The following SLC36A1 variants were observed in gnomAD, a reference collection of about 807,000 sequenced individuals.
SLC36A1 encodes proton-coupled amino acid transporter 1.
A neutral mutation model predicts 47.5 loss-of-function variants in SLC36A1; 30 were observed. The ratio of observed to expected loss-of-function variants is 0.63; its 90% CI spans 0.47 to 0.86. The LOEUF is 0.86. Ranked by LOEUF, SLC36A1 falls within the 40% of genes least tolerant of loss-of-function variation. SLC36A1 has a pLI of 0.00. For synonymous variants in SLC36A1, 255 were observed against 249.7 expected (o/e 1.02, Z -0.20); for missense variants, 517 against 606.0 (o/e 0.85, Z 1.54).
the SLC36A1 span, among the ~76,000 whole-genome samples, chr5:151,362,975 C>T: frequency 7.9e-5 from 12 of 152,122 alleles, no homozygotes; most frequent in African/African-American, 1.9e-4. Flanking sequence ...TCATGGTTCC[C>T]GTGTACTGTT....
At chr5:151,441,272 A>G (rs1752611737) in intron 1 of SLC36A1, among the ~76,000 whole-genome samples, 1 of 152,238 alleles carries the variant, frequency 6.6e-6, no homozygotes, top group Non-Finnish European at 1.5e-5. Flanking sequence ...TATGGGCAAC[A>G]TAGCAAGACC....
the SLC36A1 span, chr5:151,507,322 G>T: frequency 4.3e-6 from 7 of 1,614,090 alleles, no homozygotes; most frequent in East Asian, 4.5e-5. Flanking sequence ...CTGGGTTCCG[G>T]TTGGTTGAGG....
chr5:151,443,246 T>A (rs1322669103), upstream of SLC36A1, among the ~76,000 whole-genome samples: 2 of 152,174 alleles, frequency 1.3e-5, no homozygotes, highest in East Asian at 1.9e-4. Flanking sequence ...ACTTTTACAC[T>A]GTTTTCTATA....
At chr5:151,393,304 A>G in the SLC36A1 span, among the ~76,000 whole-genome samples, 1 of 152,082 alleles carries the variant, frequency 6.6e-6, no homozygotes, top group Non-Finnish European at 1.5e-5. Context: ...GTGTCTGCAC[A>G]TGAGATGGGT....
At chr5:151,521,927 T>C in the SLC36A1 span, 266 of 1,613,972 alleles carry the variant, frequency 1.6e-4, no homozygotes, top group Non-Finnish European at 2.2e-4. Context: ...TCTCGGTCTG[T>C]GGCATGGATC....
At chr5:151,380,244 G>T in the SLC36A1 span, 2 of 227,434 alleles carry the variant, frequency 8.8e-6, no homozygotes, top group South Asian at 1.4e-4. Flanking sequence ...ACCCTAGGTG[G>T]GAGGCTGCGG....
At chr5:151,485,738 T>C (rs1172316191) in intron 10 of SLC36A1, among the ~76,000 whole-genome samples, 1 of 152,148 alleles carries the variant, frequency 6.6e-6, no homozygotes, top group Non-Finnish European at 1.5e-5. Context: ...TCACCTCCAC[T>C]AGTGAGTGCT....
intron 10 of SLC36A1, among the ~76,000 whole-genome samples, chr5:151,485,135 G>A (rs1156888056): frequency 6.6e-6 from 1 of 152,194 alleles, no homozygotes; most frequent in African/African-American, 2.4e-5. Context: ...TTTGGGGGAT[G>A]TCACCAACTC....
intron 1 of SLC36A1, among the ~76,000 whole-genome samples, chr5:151,454,083 AT>A (rs35097474): frequency 0.016 from 1,398 of 88,092 alleles, 9 homozygotes; most frequent in South Asian, 0.024. Context: ...GTACACTTAA[AT>A]TTTTTTTTTT....
the SLC36A1 span, chr5:151,550,916 G>A: frequency 6.3e-7 from 1 of 1,586,906 alleles, no homozygotes; most frequent in East Asian, 2.2e-5. Flanking sequence ...AGCCCCAGGG[G>A]AACAGGGACT....
the SLC36A1 span, chr5:151,510,174 C>A: frequency 6.2e-7 from 1 of 1,613,730 alleles, no homozygotes; most frequent in Non-Finnish European, 8.5e-7. Flanking sequence ...GCAGACATAG[C>A]CTAGGAGAAA....
chr5:151,529,556 C>T, the SLC36A1 span, among the ~76,000 whole-genome samples: 40 of 150,914 alleles, frequency 2.7e-4, no homozygotes, highest in Middle Eastern at 3.2e-3. Context: ...CCCCTTGACC[C>T]CCTTCCCCAT....
At chr5:151,432,406 C>G (rs186977932), upstream of SLC36A1, among the ~76,000 whole-genome samples, 1 of 152,202 alleles carries the variant, frequency 6.6e-6, no homozygotes, top group East Asian at 1.9e-4. Flanking sequence ...GGTGGCTCCC[C>G]GTGAGGTCAC....
chr5:151,531,501 G>A, the SLC36A1 span: 2 of 1,556,424 alleles, frequency 1.3e-6, no homozygotes, highest in Non-Finnish European at 1.7e-6. This position sits in a 1 kb window ranked among gnomAD's most constrained non-coding sequence, Gnocchi z 5.7. Flanking sequence ...GCGCTGCACA[G>A]GGTAGATACC....
At chr5:151,539,479 T>G in the SLC36A1 span, among the ~76,000 whole-genome samples, 1 of 152,260 alleles carries the variant, frequency 6.6e-6, no homozygotes, top group African/African-American at 2.4e-5. Flanking sequence ...TATAGGTATA[T>G]GCTTATATGT....
chr5:151,355,838 T>A, the SLC36A1 span, among the ~76,000 whole-genome samples: 1 of 151,942 alleles, frequency 6.6e-6, no homozygotes. Context: ...ACATAGAAAA[T>A]ACACATGCAT....
At chr5:151,550,351 G>A in the SLC36A1 span, among the ~76,000 whole-genome samples, 1 of 152,168 alleles carries the variant, frequency 6.6e-6, no homozygotes, top group African/African-American at 2.4e-5. Flanking sequence ...GGAAATATCT[G>A]GGGTGAGTCC....
At chr5:151,522,012 A>G in the SLC36A1 span, 3 of 1,614,082 alleles carry the variant, frequency 1.9e-6, no homozygotes, top group Non-Finnish European at 1.7e-6. Flanking sequence ...CAGAAGGTGC[A>G]TAGTGGCTCT....
intron 7 of SLC36A1, among the ~76,000 whole-genome samples, chr5:151,468,432 T>TTA (rs1385356874): frequency 1.0e-4 from 15 of 145,712 alleles, no homozygotes; most frequent in Admixed American, 3.5e-4. Context: ...TATTTATATA[T>TTA]TGTGTATATA....
Sources: gnomAD v4.1 joint callset for allele counts (sites outside exome capture counted in the v4.1 genomes callset) on GRCh38, gnomAD v4.1.1 for gene constraint, Gnocchi (gnomAD v3.1) non-coding constraint, MANE v1.5 for transcripts, NCBI Gene and HGNC (gene_info 2026-07-23, HGNC 2026-07-21) for gene names.